The following FREM1 variants were observed in gnomAD, a reference collection of about 807,000 sequenced individuals.
FREM1 encodes the protein FRAS1 related extracellular matrix 1.
A neutral mutation model predicts 210.1 loss-of-function variants in FREM1; 220 were observed. That is an observed-to-expected ratio of 1.05 (90% CI 0.94 to 1.17). FREM1 has a LOEUF of 1.17. FREM1 is among the 50% of genes most tolerant of loss of function. The pLI is 0.00. For missense variants in FREM1, 3,454 were observed against 2,675.5 expected, an observed-to-expected ratio of 1.29 and a Z score of -6.42; for synonymous variants, 1,189 against 980.2, an observed-to-expected ratio of 1.21 and a Z score of -3.98.
intron 1 of FREM1, among the ~76,000 whole-genome samples, chr9:14,870,286 T>C (rs1832363467): frequency 1.3e-5 from 2 of 152,188 alleles, no homozygotes; most frequent in Non-Finnish European, 2.9e-5. Context: ...CTTTCACTTT[T>C]GAGGCAGTGC....
chr9:14,812,902 G>A lies in FREM1; in HGVS notation c.2803C>T (p.Gln935Ter). The change falls in exon 16 of 37, where the codon CAG becomes TAG. Residue 935 changes from glutamine to a stop codon, truncating the protein, a stop_gained. Coordinates refer to ENST00000380880, the MANE Select transcript of FREM1 (RefSeq NM_001379081.2). LOFTEE classifies it high-confidence loss of function. ...KLMFVIAREP[Q>*]HGVVRRAGVT... ...CCAGCTCTCCTCACCACCCCATGCTGAGGTTCGCGAGCAATCACAAACATC... is the reference window on the plus strand; with the variant it reads ...CCAGCTCTCCTCACCACCCCATGCTAAGGTTCGCGAGCAATCACAAACATC... 1 of 1,613,858 alleles carries A rather than the reference G, an allele frequency of 6.2e-7. No homozygotes were observed. The highest frequency in any genetic ancestry group is 2.2e-5 in the East Asian group (1 of 44,874).
intron 4 of FREM1, among the ~76,000 whole-genome samples, chr9:14,858,493 C>G (rs1046311057): frequency 6.8e-6 from 1 of 146,764 alleles, no homozygotes; most frequent in African/African-American, 2.6e-5. Flanking sequence ...AGCCACCATG[C>G]CCAGCCACCC....
intron 29 of FREM1, among the ~76,000 whole-genome samples, chr9:14,754,242 G>A (rs1000857715): frequency 6.6e-5 from 10 of 152,158 alleles, no homozygotes; most frequent in South Asian, 2.1e-4. Context: ...GGGACATGGC[G>A]CACATCATCT....
At chr9:14,871,063 A>T (rs1832578815) in intron 1 of FREM1, among the ~76,000 whole-genome samples, 1 of 152,076 alleles carries the variant, frequency 6.6e-6, no homozygotes, top group Non-Finnish European at 1.5e-5. Flanking sequence ...ATGGCTGGAC[A>T]TTTGGGTTGG....
At chr9:14,831,730 A>G (rs935269386) in intron 10 of FREM1, among the ~76,000 whole-genome samples, 11 of 152,158 alleles carry the variant, frequency 7.2e-5, no homozygotes, top group South Asian at 6.2e-4. Flanking sequence ...CTTGGAATCT[A>G]TTTTTTGGAA....
intron 10 of FREM1, among the ~76,000 whole-genome samples, chr9:14,832,999 C>T (rs1367806850): frequency 6.6e-6 from 1 of 152,126 alleles, no homozygotes; most frequent in Admixed American, 6.5e-5. Context: ...TGGCTATGGG[C>T]CTCCAACTTG....
chr9:14,801,208 G>C (rs1817222555), intron 20 of FREM1, among the ~76,000 whole-genome samples: 1 of 152,148 alleles, frequency 6.6e-6, no homozygotes, highest in South Asian at 2.1e-4. Context: ...ATGTTGGCCA[G>C]GCTGGTGTCA....
chr9:14,792,264 A>G, intron 22 of FREM1, among the ~76,000 whole-genome samples: 1 of 99,266 alleles, frequency 1.0e-5, no homozygotes, highest in Non-Finnish European at 2.1e-5. Context: ...ACACACCCAC[A>G]CACACACGCA....
chr9:14,895,833 C>T (rs2132478339), intron 1 of FREM1, among the ~76,000 whole-genome samples: 1 of 152,212 alleles, frequency 6.6e-6, no homozygotes, highest in South Asian at 2.1e-4. Flanking sequence ...GGAATATCAT[C>T]ACCCCTATTC....
chr9:14,827,119 G>A (rs188370425), intron 10 of FREM1, among the ~76,000 whole-genome samples: 21 of 152,292 alleles, frequency 1.4e-4, no homozygotes, highest in African/African-American at 4.8e-4. Context: ...CTATATTGCT[G>A]TGAATAGATC....
chr9:14,890,141 T>A (rs943522631), intron 1 of FREM1, among the ~76,000 whole-genome samples: 2 of 152,266 alleles, frequency 1.3e-5, no homozygotes, highest in Admixed American at 6.5e-5. Flanking sequence ...TTCCACCACA[T>A]GCCACTTCTC....
rs1819653267 is a variant in FREM1 at position 14,812,883 on chromosome 9, C to T, written c.2822G>A (p.Arg941Lys). Residue 941 changes from arginine (R) to lysine (K), a missense_variant, in exon 16 of 37, where the codon AGA becomes AAA. Physicochemically the swap from Arg to Lys is conservative, Grantham distance 26. Transcript: ENST00000380880. ...GAACTGATCCACTGTGACTCCAGCTCTCCTCACCACCCCATGCTGAGGTTC... is the reference window on the plus strand; with the variant it reads ...GAACTGATCCACTGTGACTCCAGCTTTCCTCACCACCCCATGCTGAGGTTC... ...AREPQHGVVR[R>K]AGVTVDQFSQ... The T allele has an allele frequency of 6.2e-7, 1 of 1,613,872 alleles. No individual in the cohort carries two copies. Among genetic ancestry groups the T allele is most frequent in the South Asian group, 1.1e-5 (1 of 91,070 alleles).
intron 1 of FREM1, among the ~76,000 whole-genome samples, chr9:14,870,000 A>G (rs930168176): frequency 1.3e-5 from 2 of 152,202 alleles, no homozygotes; most frequent in African/African-American, 4.8e-5. Context: ...ATCCACTTAG[A>G]ATTTCATGAT....
At chr9:14,841,329 C>G (rs1031579185) in intron 10 of FREM1, 118 bp downstream of exon 10, 1 of 799,586 alleles carries the variant, frequency 1.3e-6, no homozygotes, top group South Asian at 3.0e-5. Context: ...TTTGTTTAAT[C>G]GATTGTTTTT....
chr9:14,879,065 G>A (rs1834305031), intron 1 of FREM1, among the ~76,000 whole-genome samples: 1 of 150,822 alleles, frequency 6.6e-6, no homozygotes, highest in Non-Finnish European at 1.5e-5. Flanking sequence ...GCTGAGGCAG[G>A]AGAACGACTT....
At chr9:14,894,708 A>G (rs910122979) in intron 1 of FREM1, among the ~76,000 whole-genome samples, 2 of 152,222 alleles carry the variant, frequency 1.3e-5, no homozygotes, top group African/African-American at 4.8e-5. Flanking sequence ...ACAATTGAGT[A>G]AAGTATACTC....
chr9:14,851,650 A>C, intron 5 of FREM1, 43 bp from the exon 6 acceptor site: 3 of 1,384,908 alleles, frequency 2.2e-6, no homozygotes, highest in Non-Finnish European at 3.1e-6. Flanking sequence ...AATAATATGA[A>C]TGAGGTGATA....
intron 3 of FREM1, among the ~76,000 whole-genome samples, chr9:14,862,467 C>T (rs968344025): frequency 6.6e-6 from 1 of 152,178 alleles, no homozygotes; most frequent in African/African-American, 2.4e-5. Flanking sequence ...GTCAGATATA[C>T]CATAATCGTG....
At chr9:14,875,875 G>C (rs1190944572) in intron 1 of FREM1, among the ~76,000 whole-genome samples, 1 of 152,154 alleles carries the variant, frequency 6.6e-6, no homozygotes, top group Non-Finnish European at 1.5e-5. Context: ...CTTTCTGTTT[G>C]TTAGTTTTCC....
Sources: gnomAD v4.1 joint callset for allele counts (sites outside exome capture counted in the v4.1 genomes callset) on GRCh38, gnomAD v4.1.1 for gene constraint, MANE v1.5 for transcripts, NCBI Gene and HGNC (gene_info 2026-07-23, HGNC 2026-07-21) for gene names.